The following ARID1B variants were observed in gnomAD, a reference collection of about 807,000 sequenced individuals.
The protein encoded by ARID1B is AT-rich interaction domain 1B.
ARID1B carries 30 observed loss-of-function variants against 212.3 expected under a neutral mutation model. The ratio of observed to expected loss-of-function variants is 0.14; its 90% CI spans 0.11 to 0.19. The LOEUF (loss-of-function observed/expected upper bound fraction) is 0.19, where lower values mean the gene tolerates loss of function less well. Ranked by LOEUF, ARID1B falls within the 10% of genes least tolerant of loss-of-function variation. The pLI, the probability that ARID1B is intolerant of heterozygous loss-of-function variation, is 1.00. For synonymous variants in ARID1B, 1,402 were observed against 1,301.7 expected, an observed-to-expected ratio of 1.08 and a Z score of -1.66; for missense variants, 2,891 against 3,204.0, an observed-to-expected ratio of 0.90 and a Z score of 2.36.
At chr6:156,926,006 G>A (rs1398488349) in intron 3 of ARID1B, among the ~76,000 whole-genome samples, 1 of 152,216 alleles carries the variant, frequency 6.6e-6, no homozygotes, top group Non-Finnish European at 1.5e-5. Flanking sequence ...CTGATGAATA[G>A]TGAAGTTGGC....
intron 1 of ARID1B, among the ~76,000 whole-genome samples, chr6:156,786,477 C>T (rs1014200466): frequency 2.0e-5 from 3 of 151,988 alleles, no homozygotes; most frequent in Non-Finnish European, 4.4e-5. Context: ...CATGAACAGG[C>T]GTCTTTGGTT....
In ARID1B at chr6:157,206,572, G is replaced by C. The variant is rs749183221; in HGVS notation, c.5800G>C (p.Glu1934Gln). ...DRSDKLGRVQ[E>Q]FNSGLLHWQL... The stretch of plus-strand genomic sequence containing the variant: ...ATCTGACAAGTTGGGGCGTGTGCAG[G>C]AGTTCAATAGTGGCCTTCTGCACTG... The change falls in exon 20 of 20, where the codon GAG (glutamate) becomes CAG (glutamine). Residue 1934 changes from glutamate to glutamine, a missense_variant. By Grantham distance (29) the Glu-to-Gln change is conservative. Coordinates refer to ENST00000636930, the MANE Select transcript of ARID1B (RefSeq NM_001374828.1). The surrounding 1 kb of genome is among the most constrained non-coding windows in gnomAD (Gnocchi z 6.8). 3.1e-6 allele frequency: 5 copies of C among 1,614,012 alleles called. No homozygotes were observed. Among genetic ancestry groups the C allele is most frequent in the Non-Finnish European group, 4.2e-6 (5 of 1,180,028 alleles).
At chr6:157,127,120 G>GA (rs1284360441) in intron 6 of ARID1B, among the ~76,000 whole-genome samples, 2 of 152,142 alleles carry the variant, frequency 1.3e-5, no homozygotes, top group Non-Finnish European at 2.9e-5. Flanking sequence ...AATATACTTG[G>GA]AAATTGCAGA....
rs143713852 is a variant in ARID1B, at chr6:156,932,802, A to G, written c.2137-2664A>G. Among the ~76,000 whole-genome samples the G allele has an allele frequency of 2.3e-4, 35 of 152,338 alleles. No homozygotes were observed. In the East Asian group the frequency reaches 4.8e-3, roughly 21 times the overall value. ...TAGGTTTAAACTTGGCACCTTTTCTATGTGCTCCCTTATTAAATTAATACT... is the reference window on the plus strand; with the variant it reads ...TAGGTTTAAACTTGGCACCTTTTCTGTGTGCTCCCTTATTAAATTAATACT... On this transcript the variant is annotated intron_variant, in intron 3 of 19. Transcript: ENST00000636930.
rs189310622 is a variant in ARID1B at position 157,000,565 on chromosome 6, A to G, written c.2247+64989A>G. ...TTTCACATGTAATTATTTACTTGGTATTTAGCATGCTATATGGATGTGGAA... is the reference window on the plus strand; with the variant it reads ...TTTCACATGTAATTATTTACTTGGTGTTTAGCATGCTATATGGATGTGGAA... On this transcript the variant is annotated intron_variant, in intron 4 of 19. Transcript: ENST00000636930. 2.4e-4 allele frequency among the ~76,000 whole-genome samples: 37 copies of G among 152,236 alleles called. No homozygotes were observed. In the East Asian group the frequency reaches 6.8e-3, roughly 28 times the overall value.
At chr6:156,813,352 A>G (rs529662292) in intron 1 of ARID1B, among the ~76,000 whole-genome samples, 7 of 151,734 alleles carry the variant, frequency 4.6e-5, no homozygotes, top group South Asian at 2.1e-4. Context: ...GAGCTAGGCA[A>G]TCTGCCTGCC....
intron 1 of ARID1B, among the ~76,000 whole-genome samples, chr6:156,802,012 C>T (rs1041950458): frequency 1.3e-5 from 2 of 152,218 alleles, no homozygotes; most frequent in Non-Finnish European, 2.9e-5. Context: ...AAAATTATTG[C>T]AGTACTGAAT....
chr6:157,130,345 T>C (rs1268725323), intron 6 of ARID1B, among the ~76,000 whole-genome samples: 1 of 152,234 alleles, frequency 6.6e-6, no homozygotes, highest in East Asian at 1.9e-4. Flanking sequence ...ACATGATCTC[T>C]ATGAAATTGA....
At chr6:157,145,368 G>A (rs1313715313) in intron 7 of ARID1B, among the ~76,000 whole-genome samples, 1 of 152,178 alleles carries the variant, frequency 6.6e-6, no homozygotes, top group Non-Finnish European at 1.5e-5. Flanking sequence ...GCAGGATTGA[G>A]CAATCGTGAT....
intron 4 of ARID1B, among the ~76,000 whole-genome samples, chr6:156,972,249 T>C (rs1215137941): frequency 6.6e-6 from 1 of 152,186 alleles, no homozygotes; most frequent in African/African-American, 2.4e-5. Context: ...TCTCAAACAG[T>C]GTCAGGAGTG....
intron 4 of ARID1B, among the ~76,000 whole-genome samples, chr6:157,006,490 T>C (rs1205752024): frequency 6.6e-6 from 1 of 152,346 alleles, no homozygotes; most frequent in East Asian, 1.9e-4. Context: ...GCAGTACCAG[T>C]TAAGCAGCCA....
intron 3 of ARID1B, among the ~76,000 whole-genome samples, chr6:156,932,344 A>G (rs1030595350): frequency 3.9e-5 from 6 of 152,086 alleles, no homozygotes; most frequent in African/African-American, 9.7e-5. Flanking sequence ...AACAGTACTG[A>G]TGAATTCTGA....
intron 4 of ARID1B, among the ~76,000 whole-genome samples, chr6:157,078,030 G>A (rs544139529): frequency 1.3e-4 from 20 of 152,258 alleles, no homozygotes; most frequent in Middle Eastern, 3.4e-3. Flanking sequence ...CAGCAGTTAC[G>A]CACACGAGTC....
chr6:157,191,248 G>A (rs553611398), intron 15 of ARID1B, among the ~76,000 whole-genome samples: 9 of 152,228 alleles, frequency 5.9e-5, no homozygotes, highest in South Asian at 2.1e-4. Flanking sequence ...GAGGGAACCC[G>A]CCGGCAGAGT....
chr6:157,044,738 C>G (rs1405465931), intron 4 of ARID1B, among the ~76,000 whole-genome samples: 1 of 152,138 alleles, frequency 6.6e-6, no homozygotes, highest in East Asian at 1.9e-4. Context: ...TGGCAGCCAC[C>G]AGCCATGTGT....
chr6:157,174,893 A>T lies in ARID1B; in HGVS notation c.3392A>T (p.Asn1131Ile). 1 of 1,549,388 alleles carries T rather than the reference A, an allele frequency of 6.5e-7. No homozygotes were observed. The highest frequency in any genetic ancestry group is 8.7e-7 in the Non-Finnish European group (1 of 1,146,966). The change falls in exon 11 of 20, where the codon AAC becomes ATC. Residue 1131 changes from asparagine (N) to isoleucine (I), a missense_variant. By Grantham distance (149) the Asn-to-Ile change is moderately radical. Coordinates refer to ENST00000636930, the MANE Select transcript of ARID1B (RefSeq NM_001374828.1). ...QGISQPPTPGNLPVPSPMSPS... is the reference protein window; with the variant it reads ...QGISQPPTPGILPVPSPMSPS... Reference sequence around the variant, plus strand: ...ATTTCTCAGCCCCCAACCCCAGGCAACCTGCCAGTCCCTTCCCCAATGTCC... The same window carrying T: ...ATTTCTCAGCCCCCAACCCCAGGCATCCTGCCAGTCCCTTCCCCAATGTCC...
intron 5 of ARID1B, among the ~76,000 whole-genome samples, chr6:157,087,078 T>TGTAG (rs1785010479): frequency 6.6e-6 from 1 of 152,236 alleles, no homozygotes; most frequent in Admixed American, 6.5e-5. Flanking sequence ...TCAGCTCCTC[T>TGTAG]GTAGCCGACC....
In ARID1B at chr6:156,811,745, G is replaced by A. The variant is rs576526864; in HGVS notation, c.1792-17482G>A. The stretch of plus-strand genomic sequence containing the variant: ...TAACCTTCATTACCTCTTCATAGAC[G>A]CTAGTCCCAAATACAATCACATTGG... On this transcript the variant is annotated intron_variant, in intron 1 of 19. Coordinates refer to ENST00000636930, the MANE Select transcript of ARID1B (RefSeq NM_001374828.1). Among the ~76,000 whole-genome samples, 6 of 152,288 alleles carry A rather than the reference G, an allele frequency of 3.9e-5. No individual in the cohort carries two copies. In the South Asian group the frequency reaches 8.3e-4, roughly 21 times the overall value.
At chr6:156,966,386 C>CTTTTTTTT (rs1214987532) in intron 4 of ARID1B, among the ~76,000 whole-genome samples, 17 of 38,912 alleles carry the variant, frequency 4.4e-4, no homozygotes, top group Admixed American at 1.0e-3. Context: ...CTTTTCTTTT[C>CTTTTTTTT]TTTTTTTTTT....
Sources: allele counts gnomAD v4.1 joint callset (sites outside exome capture counted in the v4.1 genomes callset), GRCh38; gene constraint gnomAD v4.1.1; non-coding constraint Gnocchi (gnomAD v3.1); transcripts MANE v1.5; gene names NCBI Gene and HGNC (gene_info 2026-07-23, HGNC 2026-07-21).